Variants in INSL6 observed in about 807,000 individuals in gnomAD.
INSL6 encodes the protein insulin-like peptide INSL6.
A neutral mutation model predicts 9.4 loss-of-function variants in INSL6; 16 were observed. That is an observed-to-expected ratio of 1.70 (90% CI 1.15 to 2.59). The LOEUF (loss-of-function observed/expected upper bound fraction) is 2.59. Among genes scored for constraint, INSL6 ranks in the 30% most tolerant of loss-of-function variants. The pLI, the probability that INSL6 is intolerant of heterozygous loss-of-function variation, is 0.00. For synonymous variants in INSL6, 154 were observed against 96.9 expected, an observed-to-expected ratio of 1.59 and a Z score of -3.46; for missense variants, 391 against 257.3, an observed-to-expected ratio of 1.52 and a Z score of -3.56.
chr9:5,061,872 C>G, the INSL6 span, among the ~76,000 whole-genome samples: 1 of 152,126 alleles, frequency 6.6e-6, no homozygotes, highest in Admixed American at 6.5e-5. Context: ...GGTGAATCTT[C>G]CTTTCACTTG....
chr9:5,018,964 G>A, the INSL6 span, among the ~76,000 whole-genome samples: 11 of 152,130 alleles, frequency 7.2e-5, no homozygotes, highest in South Asian at 2.3e-3. Flanking sequence ...TTGACAAGCT[G>A]TTGTCTCTGA....
the INSL6 span, among the ~76,000 whole-genome samples, chr9:5,060,007 T>G: frequency 3.3e-5 from 5 of 152,196 alleles, no homozygotes; most frequent in African/African-American, 4.8e-5. Context: ...TCTGGACCAC[T>G]GCAATAAAGC....
At chr9:5,074,110 T>C in the INSL6 span, among the ~76,000 whole-genome samples, 1 of 152,142 alleles carries the variant, frequency 6.6e-6, no homozygotes, top group Non-Finnish European at 1.5e-5. Flanking sequence ...GCCTTTTCAG[T>C]ACAAACTTAT....
chr9:5,137,496 C>T lies in INSL6; in HGVS notation c.377-3904G>A, dbSNP rs2130884245. Among the ~76,000 whole-genome samples the T allele has an allele frequency of 2.0e-5, 3 of 150,936 alleles. No individual in the cohort carries two copies. The Middle Eastern group carries it at 0.01, about 513-fold the overall frequency. On this transcript the variant is annotated intron_variant, in intron 2 of 3. Coordinates refer to the INSL6 transcript ENST00000649639. ...CTACAACCACCTGATCTTTGACAAA[C>T]CCTATTTAATATATGGTGGTGGGAA...
chr9:5,059,976 C>T, the INSL6 span, among the ~76,000 whole-genome samples: 2 of 152,038 alleles, frequency 1.3e-5, no homozygotes, highest in Non-Finnish European at 2.9e-5. Flanking sequence ...AGACATACGT[C>T]AGAGATATTT....
chr9:5,027,819 T>A, the INSL6 span, among the ~76,000 whole-genome samples: 1 of 152,222 alleles, frequency 6.6e-6, no homozygotes, highest in Non-Finnish European at 1.5e-5. Context: ...TCCTTATATG[T>A]CCAAGTTTTA....
intron 3 of INSL6, chr9:5,126,296 A>T: frequency 7.0e-7 from 1 of 1,420,520 alleles, no homozygotes. Flanking sequence ...GCTACAAATT[A>T]AATGTACAAA....
At chr9:5,091,045 C>CTTT in the INSL6 span, 2 of 529,240 alleles carry the variant, frequency 3.8e-6, no homozygotes, top group South Asian at 3.0e-5. Context: ...TTACATTTAA[C>CTTT]TTTTTTTTTT....
At chr9:5,095,619 A>T in the INSL6 span, among the ~76,000 whole-genome samples, 19 of 152,252 alleles carry the variant, frequency 1.2e-4, no homozygotes, top group Admixed American at 2.6e-4. Context: ...TTCTCCTCAC[A>T]TGACAAAAAC....
the INSL6 span, among the ~76,000 whole-genome samples, chr9:5,019,186 A>T: frequency 2.6e-5 from 4 of 152,128 alleles, no homozygotes; most frequent in African/African-American, 9.7e-5. Flanking sequence ...AGAATACTGA[A>T]AATTCTAATA....
intron 2 of INSL6, among the ~76,000 whole-genome samples, chr9:5,145,408 C>T (rs530919973): frequency 4.6e-5 from 7 of 152,020 alleles, no homozygotes; most frequent in African/African-American, 1.7e-4. Flanking sequence ...TCATTTTGAC[C>T]TTGGAGATTC....
rs201241802 is a variant in INSL6 at position 5,185,608 on chromosome 9, T to A, written c.-6A>T. 3.1e-6 allele frequency: 5 copies of A among 1,609,420 alleles called. No homozygotes were observed. The highest frequency in any genetic ancestry group is 4.2e-6 in the Non-Finnish European group (5 of 1,178,734). ...AAGCGGAGGAGCCGCGGCATCCCTG[T>A]GACCCCAGGCTAGTCCTCCGCGTTG... On this transcript the variant is annotated 5_prime_UTR_variant, in exon 1 of 2. Coordinates refer to ENST00000381641, the MANE Select transcript of INSL6 (RefSeq NM_007179.3).
chr9:5,123,053 G>A (rs1240580484), downstream of INSL6: 1 of 1,611,916 alleles, frequency 6.2e-7, no homozygotes, highest in Non-Finnish European at 8.5e-7. Flanking sequence ...GGCCTCAGAT[G>A]TTTGGAGCTT....
chr9:5,029,321 G>C, the INSL6 span, among the ~76,000 whole-genome samples: 1 of 152,122 alleles, frequency 6.6e-6, no homozygotes, highest in East Asian at 1.9e-4. Flanking sequence ...TCTTATATGG[G>C]CACGGTTCAT....
At chr9:5,061,947 A>C in the INSL6 span, among the ~76,000 whole-genome samples, 1 of 152,170 alleles carries the variant, frequency 6.6e-6, no homozygotes, top group Admixed American at 6.6e-5. Context: ...GTCTGAGGGA[A>C]TAGGGAGGCC....
chr9:5,161,683 A>G (rs570568087), downstream of INSL6, among the ~76,000 whole-genome samples: 58 of 152,342 alleles, frequency 3.8e-4, no homozygotes, highest in African/African-American at 1.3e-3. Context: ...TATATTTGGA[A>G]AAATTTAAGG....
chr9:5,171,008 G>C (rs2130911917), intron 1 of INSL6, among the ~76,000 whole-genome samples: 1 of 152,174 alleles, frequency 6.6e-6, no homozygotes, highest in African/African-American at 2.4e-5. Context: ...GCATCATCCT[G>C]ATACCAAAAC....
chr9:5,114,170 T>C, the INSL6 span: 1 of 428,146 alleles, frequency 2.3e-6, no homozygotes, highest in East Asian at 5.3e-5. Flanking sequence ...AGTGTGCAGA[T>C]TCTAACCCGC....
At chr9:5,162,898 G>C (rs1824957467), downstream of INSL6, among the ~76,000 whole-genome samples, 1 of 152,132 alleles carries the variant, frequency 6.6e-6, no homozygotes, top group Non-Finnish European at 1.5e-5. Context: ...TACGAAGTAG[G>C]AATTCCATTT....
Sources: gnomAD v4.1 joint callset for allele counts (sites outside exome capture counted in the v4.1 genomes callset) on GRCh38, gnomAD v4.1.1 for gene constraint, MANE v1.5 for transcripts, NCBI Gene and HGNC (gene_info 2026-07-23, HGNC 2026-07-21) for gene names.